NTM: variants seen among roughly 807,000 people sequenced by gnomAD.
NTM encodes the protein neurotrimin.
NTM carries 13 observed loss-of-function variants against 42.1 expected under a neutral mutation model. That is an observed-to-expected ratio of 0.31 (90% CI 0.20 to 0.49). The LOEUF is 0.49. NTM is among the 20% of genes least tolerant of loss of function. NTM has a pLI of 0.99. For missense variants in NTM, 373 were observed against 452.8 expected (o/e 0.82, Z 1.60); for synonymous variants, 187 against 179.2 (o/e 1.04, Z -0.35).
chr11:131,724,802 G>C (rs1314693899), intron 1 of NTM, among the ~76,000 whole-genome samples: 5 of 152,220 alleles, frequency 3.3e-5, no homozygotes, highest in African/African-American at 1.2e-4. Flanking sequence ...GAGGCTGCCT[G>C]AGCAGGCACA....
intron 1 of NTM, among the ~76,000 whole-genome samples, chr11:131,654,494 G>A (rs981767614): frequency 7.2e-5 from 11 of 152,026 alleles, no homozygotes; most frequent in Admixed American, 2.0e-4. Flanking sequence ...CTCAGAGTCC[G>A]GTCTCTGCCA....
intron 1 of NTM, among the ~76,000 whole-genome samples, chr11:131,593,522 C>G (rs1198209046): frequency 6.6e-6 from 1 of 152,140 alleles, no homozygotes; most frequent in African/African-American, 2.4e-5. Context: ...CCCTGCCCCG[C>G]CCCCCTGCCA....
At chr11:132,008,664 T>G (rs1353217714) in intron 2 of NTM, among the ~76,000 whole-genome samples, 2 of 152,034 alleles carry the variant, frequency 1.3e-5, no homozygotes, top group East Asian at 1.9e-4. Context: ...CATTTCCCCC[T>G]GAAAACATGT....
intron 1 of NTM, among the ~76,000 whole-genome samples, chr11:131,856,708 T>C (rs2046135123): frequency 6.6e-6 from 1 of 152,244 alleles, no homozygotes; most frequent in African/African-American, 2.4e-5. Context: ...AAGCGCCCTT[T>C]GAAGATGTAT....
intron 8 of NTM, among the ~76,000 whole-genome samples, chr11:132,333,076 C>T (rs1235103959): frequency 6.6e-6 from 1 of 152,124 alleles, no homozygotes; most frequent in African/African-American, 2.4e-5. Flanking sequence ...GTGTCCCCTG[C>T]CGGGAGTTAA....
At chr11:131,810,051 C>T (rs2092675316) in intron 1 of NTM, among the ~76,000 whole-genome samples, 1 of 152,144 alleles carries the variant, frequency 6.6e-6, no homozygotes, top group Admixed American at 6.6e-5. Flanking sequence ...TGCAATAAAA[C>T]CTCACTCATA....
chr11:132,078,138 T>C (rs1039060699), intron 2 of NTM, among the ~76,000 whole-genome samples: 1 of 152,216 alleles, frequency 6.6e-6, no homozygotes. Flanking sequence ...CTAAACCAAA[T>C]GGACACATCA....
Position 131,980,203 on chromosome 11 carries a change from G to T in NTM, c.167+68555G>T, listed in dbSNP as rs554964163. Among the ~76,000 whole-genome samples the T allele has an allele frequency of 2.6e-5, 4 of 152,270 alleles. No individual in the cohort carries two copies. The South Asian group carries it at 8.3e-4, about 32-fold the overall frequency. Reference sequence around the variant, plus strand: ...ACCCATGTTTCTGGAATAGGAATTGGTCATTTTTCCCGGATTGGTAGCCAG... The same window carrying T: ...ACCCATGTTTCTGGAATAGGAATTGTTCATTTTTCCCGGATTGGTAGCCAG... On this transcript the variant is annotated intron_variant, in intron 2 of 8. Coordinates refer to ENST00000683400, the MANE Select transcript of NTM (RefSeq NM_001352005.2).
At chr11:131,809,845 C>T (rs1486952132) in intron 1 of NTM, among the ~76,000 whole-genome samples, 21 of 152,196 alleles carry the variant, frequency 1.4e-4, no homozygotes, top group Non-Finnish European at 1.5e-4. Flanking sequence ...CTATTGGGCT[C>T]TGCCAGCTGT....
intron 1 of NTM, 150 bp from the exon 2 acceptor site, chr11:131,911,414 T>A (rs557114085): frequency 3.7e-5 from 60 of 1,605,302 alleles, no homozygotes; most frequent in Admixed American, 8.4e-5. Flanking sequence ...CCCACCCACT[T>A]CCTGTGCTCG....
intron 2 of NTM, among the ~76,000 whole-genome samples, chr11:131,925,948 A>G (rs1280235014): frequency 1.3e-5 from 2 of 152,014 alleles, no homozygotes; most frequent in African/African-American, 4.8e-5. Context: ...ACATAATAGG[A>G]GCTGAATGTA....
chr11:131,889,672 G>T (rs551306128), intron 1 of NTM, among the ~76,000 whole-genome samples: 1 of 152,118 alleles, frequency 6.6e-6, no homozygotes, highest in East Asian at 1.9e-4. Context: ...TGTCCTCACC[G>T]CCTGTCACTT....
chr11:131,761,572 G>A (rs144634056), intron 1 of NTM, among the ~76,000 whole-genome samples: 1,705 of 152,190 alleles, frequency 0.011, 32 homozygotes, highest in African/African-American at 0.04. Context: ...GGGCGGCTGA[G>A]GTGGGCAGAT....
At chr11:131,917,576 G>C (rs73580757) in intron 2 of NTM, among the ~76,000 whole-genome samples, 1,893 of 152,322 alleles carry the variant, frequency 0.012, 22 homozygotes, top group Middle Eastern at 0.034. Context: ...GCATTTTCAA[G>C]GTAAGGAGGG....
At chr11:131,731,654 G>A (rs1178055710) in intron 1 of NTM, among the ~76,000 whole-genome samples, 1 of 152,180 alleles carries the variant, frequency 6.6e-6, no homozygotes, top group East Asian at 1.9e-4. Context: ...TCTTGATTTA[G>A]TGGAAGCAGT....
chr11:132,310,239 C>T lies in NTM; in HGVS notation c.782+7C>T. 6.3e-7 allele frequency: 1 copy of T among 1,590,682 alleles called. No homozygotes were observed. The highest frequency in any genetic ancestry group is 1.7e-4 in the Middle Eastern group (1 of 5,952). ...GGTACAAGGATGACAAAAGGTAAAG[C>T]TTCCTTCTTTCCTATCCCACCCCTA... On this transcript the variant is annotated splice_region_variant and intron_variant, in intron 6 of 8. Transcript: ENST00000683400.
chr11:132,042,776 G>T (rs561677130), intron 2 of NTM, among the ~76,000 whole-genome samples: 17 of 152,288 alleles, frequency 1.1e-4, no homozygotes, highest in African/African-American at 3.8e-4. Flanking sequence ...CACAAAGCTA[G>T]ATTACTTTTT....
chr11:131,477,806 T>G (rs559216289), intron 1 of NTM, among the ~76,000 whole-genome samples: 2 of 151,786 alleles, frequency 1.3e-5, no homozygotes, highest in African/African-American at 4.8e-5. Context: ...TCCATCCTGT[T>G]CCTTGTCCAT....
rs192682345 is a variant in NTM, at chr11:131,604,755, T to A, written c.82+233867T>A. Among the ~76,000 whole-genome samples, 424 of 151,898 alleles carry A rather than the reference T, an allele frequency of 2.8e-3. 2 individuals carry two copies. Among genetic ancestry groups the A allele is most frequent in the Non-Finnish European group, 3.8e-3 (261 of 67,932 alleles). On this transcript the variant is annotated intron_variant, in intron 1 of 8. Transcript: ENST00000683400. ...GGGGGTGGGGGAGTAAGAATCCCAC[T>A]TCTTTCCTTTGTATGTGGATCTCCA...
Sources: allele counts gnomAD v4.1 joint callset (sites outside exome capture counted in the v4.1 genomes callset), GRCh38; gene constraint gnomAD v4.1.1; transcripts MANE v1.5; gene names NCBI Gene and HGNC (gene_info 2026-07-23, HGNC 2026-07-21).